Variants in RGS6 observed in about 807,000 individuals in gnomAD.
RGS6 encodes the protein regulator of G-protein signaling 6.
Under a neutral mutation model 78.5 loss-of-function variants are expected in RGS6, and 30 were observed. The ratio of observed to expected loss-of-function variants is 0.38; its 90% CI spans 0.29 to 0.52. RGS6 has a LOEUF of 0.52. Among genes scored for constraint, RGS6 ranks in the 20% least tolerant of loss-of-function variants. The pLI is 0.85. For synonymous variants in RGS6, 206 were observed against 206.0 expected (o/e 1.00, Z 0.00); for missense variants, 495 against 609.7 (o/e 0.81, Z 1.98).
intron 10 of RGS6, among the ~76,000 whole-genome samples, chr14:72,475,107 G>T (rs2096203007): frequency 6.6e-6 from 1 of 152,280 alleles, no homozygotes; most frequent in African/African-American, 2.4e-5. Context: ...GGAGGTGGCA[G>T]GGAGGGGAGG....
intron 3 of RGS6, among the ~76,000 whole-genome samples, chr14:72,399,569 C>T (rs1054145789): frequency 2.0e-5 from 3 of 152,130 alleles, no homozygotes; most frequent in Non-Finnish European, 2.9e-5. Context: ...TTGATCCTGT[C>T]CTTATGATGT....
chr14:72,312,699 A>G (rs926763301), intron 2 of RGS6, among the ~76,000 whole-genome samples: 6 of 152,184 alleles, frequency 3.9e-5, no homozygotes, highest in African/African-American at 1.2e-4. Context: ...GGAGTAATGA[A>G]TTATACACCT....
At chr14:72,387,683 C>G (rs1356810100) in intron 3 of RGS6, among the ~76,000 whole-genome samples, 3 of 152,258 alleles carry the variant, frequency 2.0e-5, no homozygotes, top group Admixed American at 2.0e-4. Context: ...ATTCTGTCTT[C>G]CACAAATGTG....
intron 2 of RGS6, among the ~76,000 whole-genome samples, chr14:72,010,031 A>G (rs1449234706): frequency 6.6e-6 from 1 of 152,226 alleles, no homozygotes; most frequent in Non-Finnish European, 1.5e-5. Flanking sequence ...AGGTTCTGCC[A>G]TCTTCCCTGT....
At chr14:72,122,936 A>G (rs2153573932) in intron 2 of RGS6, among the ~76,000 whole-genome samples, 1 of 152,232 alleles carries the variant, frequency 6.6e-6, no homozygotes, top group African/African-American at 2.4e-5. Context: ...TACCTTCTAG[A>G]TCTTAACATT....
At chr14:72,100,846 G>A (rs1466652167) in intron 2 of RGS6, among the ~76,000 whole-genome samples, 2 of 152,174 alleles carry the variant, frequency 1.3e-5, no homozygotes, top group African/African-American at 4.8e-5. Context: ...GGAGATGGGA[G>A]CTAGGCATTG....
chr14:72,426,740 C>A (rs2094448550), intron 3 of RGS6, among the ~76,000 whole-genome samples: 1 of 152,174 alleles, frequency 6.6e-6, no homozygotes, highest in Non-Finnish European at 1.5e-5. Flanking sequence ...GCTCCTTTTC[C>A]ACATGGGTGG....
At chr14:72,094,453 G>A (rs974830494) in intron 2 of RGS6, among the ~76,000 whole-genome samples, 1 of 152,076 alleles carries the variant, frequency 6.6e-6, no homozygotes, top group Non-Finnish European at 1.5e-5. Flanking sequence ...AAATGACCTT[G>A]CTTTTACTTG....
At chr14:72,069,855 G>C (rs1005043643) in intron 2 of RGS6, among the ~76,000 whole-genome samples, 4 of 152,024 alleles carry the variant, frequency 2.6e-5, no homozygotes, top group Non-Finnish European at 5.9e-5. Context: ...CATATGATTT[G>C]GTTGTTTAAT....
intron 2 of RGS6, among the ~76,000 whole-genome samples, chr14:72,199,367 G>T (rs1407645210): frequency 6.6e-6 from 1 of 152,186 alleles, no homozygotes; most frequent in East Asian, 1.9e-4. Context: ...GTAAGCAAAA[G>T]CACTTTGCAT....
At chr14:72,468,735 T>G (rs2095994030) in intron 7 of RGS6, among the ~76,000 whole-genome samples, 1 of 152,224 alleles carries the variant, frequency 6.6e-6, no homozygotes, top group East Asian at 1.9e-4. Context: ...TTATTGTGTT[T>G]AATGGCTGCC....
chr14:72,137,041 T>C (rs755064194), intron 2 of RGS6, among the ~76,000 whole-genome samples: 1 of 152,182 alleles, frequency 6.6e-6, no homozygotes, highest in African/African-American at 2.4e-5. Context: ...CCCAATCCTA[T>C]ACATTTTTAA....
At chr14:72,477,434 G>A (rs1722364463) in intron 11 of RGS6, among the ~76,000 whole-genome samples, 1 of 152,092 alleles carries the variant, frequency 6.6e-6, no homozygotes, top group South Asian at 2.1e-4. Context: ...TAAACTTTGA[G>A]GTGCTTGCCC....
At chr14:72,052,842 GT>G (rs1303895037) in intron 2 of RGS6, among the ~76,000 whole-genome samples, 1 of 152,100 alleles carries the variant, frequency 6.6e-6, no homozygotes, top group East Asian at 1.9e-4. Flanking sequence ...ATCAAGTTGT[GT>G]GGATCCGATT....
intron 12 of RGS6, among the ~76,000 whole-genome samples, chr14:72,488,485 C>T (rs2096529353): frequency 6.6e-6 from 1 of 152,234 alleles, no homozygotes; most frequent in Non-Finnish European, 1.5e-5. Flanking sequence ...ACCTCTCTTC[C>T]ACCCACTTCT....
chr14:72,234,649 C>T (rs2050527950), intron 2 of RGS6, among the ~76,000 whole-genome samples: 1 of 152,038 alleles, frequency 6.6e-6, no homozygotes, highest in African/African-American at 2.4e-5. Context: ...GGTTACCTCA[C>T]AGTGACAGGG....
At position 72,432,729 on chromosome 14, in the gene RGS6, G is replaced by A. The variant is rs545206792; in HGVS notation, c.185-21799G>A. On this transcript the variant is annotated intron_variant, in intron 3 of 17. Transcript: ENST00000553525. ...ATCTCTGCTTCCAGAAAGTGTGGAT[G>A]AGTGGGAGCCATAAACCTGGGAAAT... is the stretch of plus-strand genomic sequence containing the variant. Among the ~76,000 whole-genome samples, 3 of 152,090 alleles carry A rather than the reference G, an allele frequency of 2.0e-5. No homozygotes were observed. The South Asian group carries it at 6.2e-4, about 32-fold the overall frequency.
the RGS6 span, among the ~76,000 whole-genome samples, chr14:71,883,395 G>A: frequency 6.6e-6 from 1 of 152,176 alleles, no homozygotes; most frequent in African/African-American, 2.4e-5. Flanking sequence ...ACCACAGAAA[G>A]TCCATGAAAG....
intron 17 of RGS6, among the ~76,000 whole-genome samples, chr14:72,549,246 G>GTTT (rs71109739): frequency 6.8e-6 from 1 of 146,420 alleles, no homozygotes; most frequent in South Asian, 2.1e-4. Flanking sequence ...TCTGTTTTTT[G>GTTT]TTTTTTTTTT....
Sources: gnomAD v4.1 joint callset for allele counts (sites outside exome capture counted in the v4.1 genomes callset) on GRCh38, gnomAD v4.1.1 for gene constraint, MANE v1.5 for transcripts, NCBI Gene and HGNC (gene_info 2026-07-23, HGNC 2026-07-21) for gene names.